Variants in MSANTD2 observed in about 807,000 individuals in gnomAD.
The protein encoded by MSANTD2 is myb/SANT-like DNA-binding domain-containing protein 2.
Under a neutral mutation model 52.6 loss-of-function variants are expected in MSANTD2, and 19 were observed. The ratio of observed to expected loss-of-function variants is 0.36; its 90% CI spans 0.25 to 0.53. The LOEUF (loss-of-function observed/expected upper bound fraction) is 0.53. Ranked by LOEUF, MSANTD2 falls within the 20% of genes least tolerant of loss-of-function variation. The pLI is 0.91. For synonymous variants in MSANTD2, 291 were observed against 289.7 expected, an observed-to-expected ratio of 1.00 and a Z score of -0.04; for missense variants, 558 against 716.3, an observed-to-expected ratio of 0.78 and a Z score of 2.52.
At chr11:124,787,774 T>G (rs1945206524) in intron 1 of MSANTD2, among the ~76,000 whole-genome samples, 1 of 152,166 alleles carries the variant, frequency 6.6e-6, no homozygotes, top group African/African-American at 2.4e-5. Flanking sequence ...TGCCATAGCT[T>G]CTTTGACTTT....
chr11:124,785,780 T>C (rs1945139578), intron 1 of MSANTD2, among the ~76,000 whole-genome samples: 1 of 151,226 alleles, frequency 6.6e-6, no homozygotes, highest in South Asian at 2.1e-4. Context: ...TATGTATATA[T>C]TACATATATA....
chr11:124,799,704 G>A (rs1176760024), intron 1 of MSANTD2, among the ~76,000 whole-genome samples, 167 bp downstream of exon 1: 1 of 152,194 alleles, frequency 6.6e-6, no homozygotes, highest in Non-Finnish European at 1.5e-5. Context: ...GGCCATCTGG[G>A]AAAAAGCCCC....
intron 1 of MSANTD2, chr11:124,784,494 C>A (rs984539163): frequency 2.3e-6 from 2 of 875,386 alleles, no homozygotes; most frequent in African/African-American, 3.7e-5. Context: ...CCCCCCCCCG[C>A]CACCTCAAAA....
chr11:124,777,931 G>A (rs772433215), intron 1 of MSANTD2, among the ~76,000 whole-genome samples: 4 of 152,096 alleles, frequency 2.6e-5, no homozygotes, highest in East Asian at 1.9e-4. Context: ...CTGAAACTTC[G>A]GCTTGACTGG....
chr11:124,786,496 G>T (rs965087238), intron 1 of MSANTD2, among the ~76,000 whole-genome samples: 2 of 152,092 alleles, frequency 1.3e-5, no homozygotes, highest in African/African-American at 4.8e-5. Context: ...TGCTTTTACT[G>T]TCAAAAAGTA....
Position 124,767,292 on chromosome 11 carries a change from A to T in MSANTD2, c.1564T>A (p.Ser522Thr). ...SQNCIVDPGV[S>T]PKSIYIKFVE... The stretch of plus-strand genomic sequence containing the variant: ...AATTTGATGTAGATGGATTTGGGGG[A>T]AACTCCGGGATCCACAATACAGTTC... The change falls in exon 4 of 4, where the codon TCC becomes ACC. Residue 522 changes from serine (S) to threonine (T), a missense_variant. By Grantham distance (58) the Ser-to-Thr change is moderately conservative (BLOSUM62 1). Transcript: ENST00000374979. This position sits in a 1 kb window ranked among gnomAD's most constrained non-coding sequence, Gnocchi z 6.5. The T allele has an allele frequency of 1.2e-6, 2 of 1,614,222 alleles. No homozygotes were observed. Among genetic ancestry groups the T allele is most frequent in the Non-Finnish European group, 1.7e-6 (2 of 1,180,030 alleles).
chr11:124,787,573 G>A (rs1945201114), intron 1 of MSANTD2, among the ~76,000 whole-genome samples: 2 of 152,094 alleles, frequency 1.3e-5, no homozygotes, highest in Non-Finnish European at 1.5e-5. Context: ...TAGATACGGG[G>A]TTTCACCATA....
At chr11:124,776,652 T>C (rs535928332) in intron 1 of MSANTD2, among the ~76,000 whole-genome samples, 1 of 152,360 alleles carries the variant, frequency 6.6e-6, no homozygotes, top group East Asian at 1.9e-4. Flanking sequence ...CTCTATCAGA[T>C]ACTTTAAAAA....
intron 1 of MSANTD2, among the ~76,000 whole-genome samples, chr11:124,799,302 A>G (rs1420922076): frequency 2.0e-5 from 3 of 152,178 alleles, no homozygotes; most frequent in African/African-American, 4.8e-5. Context: ...AGCCTTTCCA[A>G]TTCTCCAAAG....
intron 3 of MSANTD2, among the ~76,000 whole-genome samples, chr11:124,768,342 C>G (rs891923767): frequency 6.6e-6 from 1 of 152,166 alleles, no homozygotes; most frequent in African/African-American, 2.4e-5. Flanking sequence ...TCTACAGCCT[C>G]ACTGTATAAT....
At position 124,783,655 on chromosome 11, in the gene MSANTD2, C is replaced by T. The variant is rs1039763202; in HGVS notation, c.511-8681G>A. ...AATAAAAAATAAAAGAAAGTAAAAA[C>T]AAAACTTTAAAAAAATATAAAATTC... On this transcript the variant is annotated intron_variant, in intron 1 of 3. Coordinates refer to ENST00000374979, the MANE Select transcript of MSANTD2 (RefSeq NM_001308027.2). The T allele has an allele frequency of 3.5e-6, 3 of 865,660 alleles. No individual in the cohort carries two copies. In the African/African-American group the frequency reaches 5.5e-5, roughly 16 times the overall value. 53.6% of individuals were successfully genotyped at this position (865,660 alleles called of 1,614,324 possible).
intron 1 of MSANTD2, among the ~76,000 whole-genome samples, chr11:124,785,247 T>C (rs1945120577): frequency 6.6e-6 from 1 of 152,238 alleles, no homozygotes; most frequent in Non-Finnish European, 1.5e-5. Flanking sequence ...AGGTAAATCA[T>C]AGCTACCATT....
rs116603027 is a variant in MSANTD2 at position 124,799,434 on chromosome 11, A to G, written c.510+437T>C. The stretch of plus-strand genomic sequence containing the variant: ...TACGGCCACTTATTAACTATTCCTA[A>G]ACTAGGGGCTCAATGCCCCCCCCTT... On this transcript the variant is annotated intron_variant, in intron 1 of 3. Transcript: ENST00000374979. 5.3e-3 allele frequency among the ~76,000 whole-genome samples: 811 copies of G among 152,222 alleles called. 9 individuals carry two copies. The highest frequency in any genetic ancestry group is 0.018 in the African/African-American group (757 of 41,522).
At chr11:124,784,011 A>G in intron 1 of MSANTD2, 2 of 985,400 alleles carry the variant, frequency 2.0e-6, no homozygotes, top group South Asian at 9.4e-5. Context: ...GGAATTCTCA[A>G]GTGCTTTTCT....
rs1467381061 is a variant in MSANTD2, at chr11:124,799,956, C to T, written c.425G>A (p.Gly142Glu). 6.3e-7 allele frequency: 1 copy of T among 1,585,568 alleles called. No individual in the cohort carries two copies. The highest frequency in any genetic ancestry group is 1.1e-5 in the South Asian group (1 of 89,214). Residue 142 changes from glycine (G) to glutamate (E), a missense_variant, in exon 1 of 4, where the codon GGG becomes GAG. Physicochemically the swap from Gly to Glu is moderately conservative, Grantham distance 98. This residue lies in a region of MSANTD2 where 408 missense variants were observed against 573.6 expected (regional missense o/e 0.71). Transcript: ENST00000374979. Reference sequence around the variant, plus strand: ...GGACACGCGCTCGTACATGGCTGGCCCGGGGGCCTTGCTGCCGAACACCGT... The same window carrying T: ...GGACACGCGCTCGTACATGGCTGGCTCGGGGGCCTTGCTGCCGAACACCGT... ...AGTVFGSKAP[G>E]PAMYERVSRA...
chr11:124,767,044 G>A lies in MSANTD2; in HGVS notation c.*132C>T, dbSNP rs1443212320. ...AGTCTACTATGATTCCTTAGAAGTCGTACTGGCCCAATTGAAGAAAGGGTT... is the reference window on the plus strand; with the variant it reads ...AGTCTACTATGATTCCTTAGAAGTCATACTGGCCCAATTGAAGAAAGGGTT... On this transcript the variant is annotated 3_prime_UTR_variant, in exon 4 of 4. Coordinates refer to ENST00000374979, the MANE Select transcript of MSANTD2 (RefSeq NM_001308027.2). This position sits in a 1 kb window ranked among gnomAD's most constrained non-coding sequence, Gnocchi z 6.5. 12 of 905,722 alleles carry A rather than the reference G, an allele frequency of 1.3e-5. No homozygotes were observed. The highest frequency in any genetic ancestry group is 7.0e-5 in the South Asian group (4 of 57,200). 56.1% of individuals were successfully genotyped at this position (905,722 alleles called of 1,614,324 possible). A position where few individuals can be genotyped will look rare whatever the true frequency, so the allele number is the denominator to read the frequency against.
In MSANTD2 at chr11:124,767,986, C is replaced by T. The variant is rs757229454; in HGVS notation, c.870G>A (p.Ser290=). 1.5e-5 allele frequency: 24 copies of T among 1,612,632 alleles called. No homozygotes were observed. The highest frequency in any genetic ancestry group is 6.7e-5 in the African/African-American group (5 of 74,860). Residue 290 remains serine, a synonymous_variant, in exon 4 of 4, where the codon TCG becomes TCA. Coordinates refer to ENST00000374979, the MANE Select transcript of MSANTD2 (RefSeq NM_001308027.2). This position sits in a 1 kb window ranked among gnomAD's most constrained non-coding sequence, Gnocchi z 6.5. ...GAAAAAGTTCCCATTTCAACTGTAC[C>T]GATTCCAAAATCTGTACAATATTCT... The part of the protein sequence containing the change: ...IMQNIVQILE[S]VQLKWELFQS...
At chr11:124,791,456 C>A in intron 1 of MSANTD2, 1 of 1,195,356 alleles carries the variant, frequency 8.4e-7, no homozygotes, top group Non-Finnish European at 1.2e-6. Context: ...CCCTCCCCAC[C>A]TGCACTGGGA....
intron 1 of MSANTD2, chr11:124,790,233 C>G (rs1041431253): frequency 6.6e-6 from 1 of 152,198 alleles, no homozygotes; most frequent in Admixed American, 6.5e-5. Context: ...AGGATAATCA[C>G]TTCTGAAGAC....
Sources: allele counts gnomAD v4.1 joint callset (sites outside exome capture counted in the v4.1 genomes callset), GRCh38; gene constraint gnomAD v4.1.1; regional missense constraint gnomAD v4.1.1; non-coding constraint Gnocchi (gnomAD v3.1); transcripts MANE v1.5; gene names NCBI Gene and HGNC (gene_info 2026-07-23, HGNC 2026-07-21).